Variants in GRIA4 observed in about 807,000 individuals in gnomAD.
GRIA4 encodes glutamate ionotropic receptor AMPA type subunit 4, also known as glutamate receptor 4.
Under a neutral mutation model 104.0 loss-of-function variants are expected in GRIA4, and 34 were observed. The ratio of observed to expected loss-of-function variants is 0.33; its 90% confidence interval spans 0.25 to 0.44. The LOEUF is 0.44. Ranked by LOEUF, GRIA4 falls within the 20% of genes least tolerant of loss-of-function variation. GRIA4 has a pLI of 1.00. For missense variants in GRIA4, 750 were observed against 1,096.5 expected, an observed-to-expected ratio of 0.68 and a Z score of 4.46; for synonymous variants, 386 against 381.9, an observed-to-expected ratio of 1.01 and a Z score of -0.13.
At chr11:105,722,783 G>C (rs575601217) in intron 3 of GRIA4, among the ~76,000 whole-genome samples, 18 of 152,040 alleles carry the variant, frequency 1.2e-4, no homozygotes, top group African/African-American at 4.1e-4. Flanking sequence ...CATGTCCATT[G>C]TATTACATAC....
chr11:105,685,727 T>C (rs565163588), intron 3 of GRIA4, among the ~76,000 whole-genome samples: 2 of 152,150 alleles, frequency 1.3e-5, no homozygotes, highest in Admixed American at 6.5e-5. Flanking sequence ...GACAAATATA[T>C]GAAGATGGAA....
chr11:105,937,008 C>A (rs1948061354), intron 14 of GRIA4, among the ~76,000 whole-genome samples: 1 of 152,118 alleles, frequency 6.6e-6, no homozygotes, highest in African/African-American at 2.4e-5. Context: ...AGTGACAGAA[C>A]AATTCCAGGT....
In GRIA4 at chr11:105,880,092, G is replaced by A. The variant is rs552376312; in HGVS notation, c.673-7427G>A. Among the ~76,000 whole-genome samples the A allele has an allele frequency of 2.0e-5, 3 of 152,196 alleles. No homozygotes were observed. In the South Asian group the frequency reaches 6.2e-4, roughly 32 times the overall value. Reference sequence around the variant, plus strand: ...TATATTTATATTGTTTCTTACAAATGTCTCCTTAATTTAAAAAGAGCTTGC... The same window carrying A: ...TATATTTATATTGTTTCTTACAAATATCTCCTTAATTTAAAAAGAGCTTGC... On this transcript the variant is annotated intron_variant, in intron 5 of 16. Transcript: ENST00000282499.
At chr11:105,695,506 G>C (rs1822992) in intron 3 of GRIA4, among the ~76,000 whole-genome samples, 789 of 48,448 alleles carry the variant, frequency 0.016, 4 homozygotes, top group African/African-American at 0.033. Flanking sequence ...GTGTGTCTGT[G>C]TGTGTGTGCG....
rs867274985 is a variant in GRIA4, at chr11:105,957,043, C to A, written c.2295-14871C>A. On this transcript the variant is annotated intron_variant, in intron 14 of 16. Coordinates refer to ENST00000282499, the MANE Select transcript of GRIA4 (RefSeq NM_000829.4). Reference sequence around the variant, plus strand: ...CAGATGGGTAGATTGTAAAAATTTTCTCCCATTCTGTAGGTTGCCTGTTCA... The same window carrying A: ...CAGATGGGTAGATTGTAAAAATTTTATCCCATTCTGTAGGTTGCCTGTTCA... Among the ~76,000 whole-genome samples the A allele has an allele frequency of 5.7e-4, 86 of 152,202 alleles. 1 individual carries two copies. The South Asian group carries it at 9.8e-3, about 17-fold the overall frequency.
chr11:105,886,854 T>A (rs979176911), intron 5 of GRIA4, among the ~76,000 whole-genome samples: 7 of 151,316 alleles, frequency 4.6e-5, no homozygotes, highest in East Asian at 1.9e-4. Context: ...GAATTTTTTT[T>A]AAAAAAAGAT....
intron 3 of GRIA4, among the ~76,000 whole-genome samples, chr11:105,711,175 G>A (rs1476435182): frequency 6.6e-6 from 1 of 151,820 alleles, no homozygotes; most frequent in Admixed American, 6.6e-5. Flanking sequence ...ACCTAGTTGG[G>A]TTCCAAAGAC....
intron 12 of GRIA4, among the ~76,000 whole-genome samples, chr11:105,925,490 ATTTAC>A (rs1171845942): frequency 6.6e-6 from 1 of 152,122 alleles, no homozygotes; most frequent in Non-Finnish European, 1.5e-5. Context: ...GAAGAAAAGT[ATTTAC>A]TTTAATTGTT....
chr11:105,894,122 A>G (rs979122700), intron 6 of GRIA4, among the ~76,000 whole-genome samples: 1 of 152,146 alleles, frequency 6.6e-6, no homozygotes, highest in Non-Finnish European at 1.5e-5. Flanking sequence ...TTGAATGTGG[A>G]AGGTATAAGG....
At chr11:105,849,222 G>C (rs1944708911) in intron 4 of GRIA4, among the ~76,000 whole-genome samples, 1 of 152,016 alleles carries the variant, frequency 6.6e-6, no homozygotes, top group South Asian at 2.1e-4. Context: ...AAGAATACCT[G>C]AATTCCCTCT....
chr11:105,681,888 A>T (rs1196337501), intron 3 of GRIA4, among the ~76,000 whole-genome samples: 1 of 152,096 alleles, frequency 6.6e-6, no homozygotes, highest in Non-Finnish European at 1.5e-5. Flanking sequence ...CTAAAAATAT[A>T]AAAATTAGCC....
intron 16 of GRIA4, 39 bp downstream of exon 16, chr11:105,974,483 G>C: frequency 1.2e-6 from 2 of 1,613,692 alleles, no homozygotes; most frequent in Non-Finnish European, 1.7e-6. Context: ...CAACTTCCTC[G>C]CAGAATACCC....
intron 10 of GRIA4, chr11:105,911,860 GTCC>G (rs1301931449): frequency 2.0e-6 from 3 of 1,499,676 alleles, no homozygotes; most frequent in Admixed American, 1.8e-5. Flanking sequence ...CTTCAGTACA[GTCC>G]TCCTCTTTTC....
chr11:105,758,552 A>T (rs1436885956), intron 4 of GRIA4, among the ~76,000 whole-genome samples: 5 of 152,208 alleles, frequency 3.3e-5, no homozygotes, highest in Non-Finnish European at 7.3e-5. Context: ...AGAGGAAAAG[A>T]TCTTTTTAAA....
chr11:105,817,984 A>G (rs1253221040), intron 4 of GRIA4, among the ~76,000 whole-genome samples: 1 of 152,164 alleles, frequency 6.6e-6, no homozygotes, highest in East Asian at 1.9e-4. Context: ...ATGCTGTAGA[A>G]TAGAGCTCAG....
chr11:105,743,659 A>T (rs1215679064), intron 3 of GRIA4, among the ~76,000 whole-genome samples: 1 of 152,144 alleles, frequency 6.6e-6, no homozygotes, highest in Non-Finnish European at 1.5e-5. Flanking sequence ...CTGGGACCTC[A>T]AACTCAACAT....
intron 3 of GRIA4, among the ~76,000 whole-genome samples, chr11:105,669,013 AT>A (rs1486241788): frequency 6.6e-6 from 1 of 151,812 alleles, no homozygotes. Flanking sequence ...CCCCTCTGCC[AT>A]TTGCGGCTTT....
chr11:105,688,579 A>G (rs895163480), intron 3 of GRIA4, among the ~76,000 whole-genome samples: 4 of 152,158 alleles, frequency 2.6e-5, no homozygotes, highest in Admixed American at 1.3e-4. Context: ...TAAATAAATA[A>G]ATAAAAATAA....
chr11:105,637,898 G>T (rs982016835), intron 3 of GRIA4, among the ~76,000 whole-genome samples: 9 of 151,962 alleles, frequency 5.9e-5, no homozygotes, highest in Non-Finnish European at 1.3e-4. Flanking sequence ...ATGAAAAACT[G>T]GTTGCAAGTT....
Sources: gnomAD v4.1 joint callset for allele counts (sites outside exome capture counted in the v4.1 genomes callset) on GRCh38, gnomAD v4.1.1 for gene constraint, MANE v1.5 for transcripts, NCBI Gene and HGNC (gene_info 2026-07-23, HGNC 2026-07-21) for gene names.